ANKS1B: variants seen among roughly 807,000 people sequenced by gnomAD.
ANKS1B encodes ankyrin repeat and sterile alpha motif domain-containing protein 1B.
A neutral mutation model predicts 148.3 loss-of-function variants in ANKS1B; 36 were observed. That is an observed-to-expected ratio of 0.24 (90% CI 0.19 to 0.32). The LOEUF (loss-of-function observed/expected upper bound fraction) is 0.32, where lower values mean the gene tolerates loss of function less well. Among genes scored for constraint, ANKS1B ranks in the 10% least tolerant of loss-of-function variants. The pLI, the probability that ANKS1B is intolerant of heterozygous loss-of-function variation, is 1.00. For synonymous variants in ANKS1B, 542 were observed against 560.8 expected, an observed-to-expected ratio of 0.97 and a Z score of 0.47; for missense variants, 1,157 against 1,542.6, an observed-to-expected ratio of 0.75 and a Z score of 4.19.
At position 99,060,653 on chromosome 12, in the gene ANKS1B, T is replaced by TCACACACACACACACA. The variant is rs35515489; in HGVS notation, c.2626-7360_2626-7345dup. On this transcript the variant is annotated intron_variant, in intron 16 of 26. Coordinates refer to ENST00000683438, the MANE Select transcript of ANKS1B (RefSeq NM_001352186.2). ...ATACACACATATACATATATACACATCACACACACACACACACACACACAC... is the reference window on the plus strand; with the variant it reads ...ATACACACATATACATATATACACATCACACACACACACACACACACACACACACACACACACACAC... 1.3e-3 allele frequency among the ~76,000 whole-genome samples: 168 copies of TCACACACACACACACA among 126,092 alleles called. 2 individuals carry two copies. Among genetic ancestry groups the TCACACACACACACACA allele is most frequent in the African/African-American group, 4.3e-3 (144 of 33,850 alleles). 82.7% of individuals were successfully genotyped at this position (126,092 alleles called of 152,430 possible). A position where few individuals can be genotyped will look rare whatever the true frequency, so the allele number is the denominator to read the frequency against.
chr12:99,890,365 A>G (rs1603440619), intron 1 of ANKS1B, among the ~76,000 whole-genome samples: 1 of 152,184 alleles, frequency 6.6e-6, no homozygotes, highest in East Asian at 1.9e-4. Flanking sequence ...AGAGGAAGGA[A>G]TTCTGCTTCC....
At chr12:99,960,721 C>A (rs1393335425) in intron 1 of ANKS1B, among the ~76,000 whole-genome samples, 1 of 152,126 alleles carries the variant, frequency 6.6e-6, no homozygotes, top group African/African-American at 2.4e-5. Flanking sequence ...CAAATGGGTT[C>A]CTCGCTAATC....
intron 10 of ANKS1B, among the ~76,000 whole-genome samples, chr12:99,467,248 T>G (rs4329764): frequency 0.45 from 68,461 of 151,554 alleles, 18,419 homozygotes; most frequent in African/African-American, 0.77. Context: ...AATGCTTCAT[T>G]CTAAAAACTC....
In ANKS1B at chr12:99,569,922, G is replaced by A. The variant is rs373341387; in HGVS notation, c.1273-65281C>T. Among the ~76,000 whole-genome samples the A allele has an allele frequency of 2.5e-3, 387 of 152,242 alleles. 1 individual carries two copies. Among genetic ancestry groups the A allele is most frequent in the Middle Eastern group, 0.017 (5 of 294 alleles). On this transcript the variant is annotated intron_variant, in intron 9 of 26. Coordinates refer to ENST00000683438, the MANE Select transcript of ANKS1B (RefSeq NM_001352186.2). ...TAAGCCCTCCGATATCCTAGTCACG[G>A]TTGGGAGTCAGTTTACCAGGGAACA...
intron 12 of ANKS1B, among the ~76,000 whole-genome samples, chr12:99,396,696 G>A (rs2094254958): frequency 6.6e-6 from 1 of 152,112 alleles, no homozygotes; most frequent in African/African-American, 2.4e-5. Context: ...TCAGAGTGGA[G>A]AAAAGGCGCC....
chr12:98,894,770 C>G (rs913015517), intron 17 of ANKS1B: 4 of 985,248 alleles, frequency 4.1e-6, no homozygotes, highest in Non-Finnish European at 4.8e-6. Context: ...CCAGCGAATG[C>G]GAGCGGCGAG....
intron 11 of ANKS1B, among the ~76,000 whole-genome samples, chr12:99,434,563 T>C (rs2095429827): frequency 6.6e-6 from 1 of 152,148 alleles, no homozygotes; most frequent in Non-Finnish European, 1.5e-5. Flanking sequence ...AATAACCACA[T>C]TTATTTTCAT....
intron 8 of ANKS1B, among the ~76,000 whole-genome samples, chr12:99,679,947 T>C (rs1054051320): frequency 5.9e-5 from 9 of 152,122 alleles, no homozygotes; most frequent in African/African-American, 7.2e-5. Context: ...CTGAAAGAAT[T>C]CACAGATCCT....
At chr12:98,987,964 A>G (rs2099924410) in intron 17 of ANKS1B, among the ~76,000 whole-genome samples, 1 of 152,180 alleles carries the variant, frequency 6.6e-6, no homozygotes, top group African/African-American at 2.4e-5. Context: ...TCCTATTTTT[A>G]AATGTAATTT....
At chr12:99,766,858 T>C (rs1031746731) in intron 8 of ANKS1B, among the ~76,000 whole-genome samples, 3 of 152,130 alleles carry the variant, frequency 2.0e-5, no homozygotes, top group Non-Finnish European at 4.4e-5. Flanking sequence ...TTGGGTAAGA[T>C]AGCCACGAAG....
chr12:99,225,027 C>T (rs897949132), intron 14 of ANKS1B, among the ~76,000 whole-genome samples: 1 of 152,144 alleles, frequency 6.6e-6, no homozygotes, highest in African/African-American at 2.4e-5. Context: ...ATTGATGTTT[C>T]AGAACCAATG....
chr12:99,588,565 C>T (rs554681915), intron 9 of ANKS1B, among the ~76,000 whole-genome samples: 5 of 152,166 alleles, frequency 3.3e-5, no homozygotes, highest in South Asian at 2.1e-4. Flanking sequence ...TACAGGCACC[C>T]GCCACTACGC....
intron 17 of ANKS1B, among the ~76,000 whole-genome samples, chr12:98,855,140 TG>T (rs1202195497): frequency 2.2e-5 from 3 of 137,370 alleles, no homozygotes; most frequent in Non-Finnish European, 4.5e-5. Flanking sequence ...CAGTCCGACC[TG>T]GGCGACAGAG....
chr12:98,957,921 C>T (rs924577434), intron 17 of ANKS1B, among the ~76,000 whole-genome samples: 3 of 152,146 alleles, frequency 2.0e-5, no homozygotes, highest in Admixed American at 2.0e-4. Flanking sequence ...TCAGTTGCAA[C>T]TCCTAGAGAG....
intron 17 of ANKS1B, among the ~76,000 whole-genome samples, chr12:98,967,582 G>A (rs966376352): frequency 1.4e-5 from 2 of 145,832 alleles, no homozygotes; most frequent in Admixed American, 6.9e-5. Flanking sequence ...TTTATATGGA[G>A]AGAGTCCCTG....
chr12:99,920,697 T>C (rs2094326104), intron 1 of ANKS1B, among the ~76,000 whole-genome samples: 1 of 152,094 alleles, frequency 6.6e-6, no homozygotes, highest in Admixed American at 6.6e-5. Flanking sequence ...GCTGCTGGTG[T>C]AAATCTCAGA....
At chr12:98,980,338 C>T (rs1034609400) in intron 17 of ANKS1B, among the ~76,000 whole-genome samples, 1 of 152,088 alleles carries the variant, frequency 6.6e-6, no homozygotes, top group African/African-American at 2.4e-5. Context: ...GTAGCTGGGA[C>T]TACAGGCACC....
At chr12:99,715,291 G>T (rs1203487350) in intron 8 of ANKS1B, among the ~76,000 whole-genome samples, 1 of 152,036 alleles carries the variant, frequency 6.6e-6, no homozygotes, top group Non-Finnish European at 1.5e-5. Context: ...TAAAAGAAGT[G>T]AAAATGGCCT....
chr12:98,900,082 A>T (rs2099770016), intron 17 of ANKS1B, among the ~76,000 whole-genome samples: 1 of 152,212 alleles, frequency 6.6e-6, no homozygotes. Context: ...CTGGGTTAGG[A>T]AGACAATGAA....
Sources: gnomAD v4.1 joint callset for allele counts (sites outside exome capture counted in the v4.1 genomes callset) on GRCh38, gnomAD v4.1.1 for gene constraint, MANE v1.5 for transcripts, NCBI Gene and HGNC (gene_info 2026-07-23, HGNC 2026-07-21) for gene names.